The following FDX1 variants were observed in gnomAD, a reference collection of about 807,000 sequenced individuals.
The protein encoded by FDX1 is adrenodoxin, mitochondrial.
A neutral mutation model predicts 14.9 loss-of-function variants in FDX1; 9 were observed. The ratio of observed to expected loss-of-function variants is 0.60; its 90% confidence interval spans 0.36 to 1.05. The LOEUF (loss-of-function observed/expected upper bound fraction) is 1.05. Ranked by LOEUF, FDX1 falls within the 50% of genes least tolerant of loss-of-function variation. FDX1 has a pLI of 0.01. For missense variants in FDX1, 204 were observed against 237.2 expected (o/e 0.86, Z 0.92); for synonymous variants, 92 against 99.4 (o/e 0.93, Z 0.44).
At chr11:110,444,787 C>T (rs1379524788) in intron 2 of FDX1, among the ~76,000 whole-genome samples, 1 of 139,222 alleles carries the variant, frequency 7.2e-6, no homozygotes, top group Non-Finnish European at 1.5e-5. Flanking sequence ...AACCTCTGAG[C>T]TGCCTCACTC....
At position 110,462,983 on chromosome 11, in the gene FDX1, A is replaced by G. The variant is rs998419418; in HGVS notation, c.*515A>G. 1 of 152,284 alleles carries G rather than the reference A, an allele frequency of 6.6e-6. No individual in the cohort carries two copies. The highest frequency in any genetic ancestry group is 2.4e-5 in the African/African-American group (1 of 41,456). 9.4% of individuals were successfully genotyped at this position (152,284 alleles called of 1,614,324 possible). On this transcript the variant is annotated 3_prime_UTR_variant, in exon 4 of 4. Coordinates refer to ENST00000260270, the MANE Select transcript of FDX1 (RefSeq NM_004109.5). ...TAGTAGTAGTTAAATCTGAATGTGT[A>G]TGGACAAAAATATTTAATTGCTCAG...
intron 1 of FDX1, among the ~76,000 whole-genome samples, chr11:110,434,633 A>G (rs10891104): frequency 2.0e-5 from 3 of 150,924 alleles, no homozygotes; most frequent in Admixed American, 6.6e-5. Context: ...ATGCTCGGCC[A>G]TGATTTGCTT....
chr11:110,436,999 T>C (rs1371695267), intron 2 of FDX1, among the ~76,000 whole-genome samples: 1 of 152,140 alleles, frequency 6.6e-6, no homozygotes, highest in East Asian at 1.9e-4. Context: ...CTGAATATCT[T>C]TTTAAAAATT....
intron 2 of FDX1, among the ~76,000 whole-genome samples, chr11:110,439,045 AC>A (rs1946388668): frequency 6.6e-6 from 1 of 152,066 alleles, no homozygotes; most frequent in South Asian, 2.1e-4. Context: ...AGCTGGGATT[AC>A]AGGCACTCAC....
chr11:110,438,689 A>G (rs1946386274), intron 2 of FDX1, among the ~76,000 whole-genome samples: 1 of 152,164 alleles, frequency 6.6e-6, no homozygotes, highest in African/African-American at 2.4e-5. Flanking sequence ...CTGGTCTTGA[A>G]TTCCTGACCT....
At chr11:110,460,021 A>G (rs1160391422) in intron 3 of FDX1, among the ~76,000 whole-genome samples, 1 of 152,196 alleles carries the variant, frequency 6.6e-6, no homozygotes, top group East Asian at 1.9e-4. Flanking sequence ...CGTTCCTTGA[A>G]GACCAGCATC....
chr11:110,455,601 T>C (rs773591932), intron 2 of FDX1, among the ~76,000 whole-genome samples: 30 of 152,178 alleles, frequency 2.0e-4, no homozygotes, highest in Non-Finnish European at 2.5e-4. Flanking sequence ...CACGCCTCTG[T>C]TGTCAGGTCC....
intron 2 of FDX1, among the ~76,000 whole-genome samples, chr11:110,444,796 T>C (rs2134683700): frequency 6.9e-6 from 1 of 145,280 alleles, no homozygotes; most frequent in African/African-American, 2.6e-5. Flanking sequence ...GCTGCCTCAC[T>C]CTGGGCACAC....
chr11:110,458,119 TA>T (rs1435512767), intron 3 of FDX1, among the ~76,000 whole-genome samples: 1 of 152,214 alleles, frequency 6.6e-6, no homozygotes, highest in African/African-American at 2.4e-5. Flanking sequence ...TTGTGTCTCT[TA>T]ATAAGAGAGT....
At position 110,430,040 on chromosome 11, in the gene FDX1, C is replaced by T. The variant is rs1946318530; in HGVS notation, c.-81C>T. 7.6e-6 allele frequency: 8 copies of T among 1,053,234 alleles called. No homozygotes were observed. Among genetic ancestry groups the T allele is most frequent in the Non-Finnish European group, 9.6e-6 (8 of 834,338 alleles). The allele number at this position is 1,053,234 out of a possible 1,614,324, so 65.2% of individuals were successfully genotyped here. On this transcript the variant is annotated 5_prime_UTR_variant, in exon 1 of 4. Coordinates refer to ENST00000260270, the MANE Select transcript of FDX1 (RefSeq NM_004109.5). Reference sequence around the variant, plus strand: ...CGGCCCTCGGGCGTCTGCGCCGCAGCTGCCGCCCCCGCCTCTTTGGAGTCT... The same window carrying T: ...CGGCCCTCGGGCGTCTGCGCCGCAGTTGCCGCCCCCGCCTCTTTGGAGTCT...
intron 2 of FDX1, among the ~76,000 whole-genome samples, chr11:110,444,662 ATACG>A (rs1391844038): frequency 0.01 from 813 of 79,280 alleles, 85 homozygotes; most frequent in African/African-American, 0.048. Context: ...ATATATATAT[ATACG>A]TATATATATA....
intron 1 of FDX1, among the ~76,000 whole-genome samples, chr11:110,430,612 G>A (rs992929062): frequency 1.3e-5 from 2 of 152,232 alleles, no homozygotes; most frequent in African/African-American, 4.8e-5. Flanking sequence ...GGAAAGCCGG[G>A]ACTTTGCTGC....
At chr11:110,452,150 T>C (rs897422304) in intron 2 of FDX1, among the ~76,000 whole-genome samples, 7 of 152,096 alleles carry the variant, frequency 4.6e-5, no homozygotes, top group African/African-American at 1.7e-4. Context: ...AAAAAATCTT[T>C]AGGACCTGTG....
intron 2 of FDX1, among the ~76,000 whole-genome samples, chr11:110,445,390 A>G (rs76372707): frequency 0.011 from 1,534 of 145,740 alleles, 14 homozygotes; most frequent in Non-Finnish European, 0.018. Context: ...ACTTGTGACT[A>G]TATATTACAG....
chr11:110,433,815 G>A (rs1329426992), intron 1 of FDX1, among the ~76,000 whole-genome samples: 1 of 152,052 alleles, frequency 6.6e-6, no homozygotes, highest in Non-Finnish European at 1.5e-5. Flanking sequence ...ATTAGGGAGG[G>A]CATTATCCCA....
chr11:110,447,739 A>G (rs1163771808), intron 2 of FDX1, among the ~76,000 whole-genome samples: 1 of 152,110 alleles, frequency 6.6e-6, no homozygotes, highest in Non-Finnish European at 1.5e-5. Flanking sequence ...TCAAATCTCA[A>G]TTTATGTACT....
In FDX1 at chr11:110,452,618, TA is replaced by T. The variant is rs575577554; in HGVS notation, c.311-4287del. ...CTTTGGGAAAAAAATGAGGCAAAGT[TA>T]AAAAAAAAAAAAGATATTTTACACC... On this transcript the variant is annotated intron_variant, in intron 2 of 3. Transcript: ENST00000260270. Among the ~76,000 whole-genome samples, 625 of 140,010 alleles carry T rather than the reference TA, an allele frequency of 4.5e-3. 1 individual carries two copies. Among genetic ancestry groups the T allele is most frequent in the African/African-American group, 5.2e-3 (199 of 38,324 alleles). 91.9% of individuals were successfully genotyped at this position (140,010 alleles called of 152,430 possible).
intron 3 of FDX1, among the ~76,000 whole-genome samples, chr11:110,457,324 TA>T (rs1187481361): frequency 4.6e-5 from 7 of 152,218 alleles, no homozygotes; most frequent in Non-Finnish European, 8.8e-5. Context: ...CTCCAGGAAC[TA>T]ATATGTATCA....
intron 1 of FDX1, among the ~76,000 whole-genome samples, chr11:110,431,827 C>A (rs916402506): frequency 6.6e-6 from 1 of 152,176 alleles, no homozygotes; most frequent in South Asian, 2.1e-4. Flanking sequence ...TTTATTGGCA[C>A]AATTTCTATT....
Sources: gnomAD v4.1 joint callset for allele counts (sites outside exome capture counted in the v4.1 genomes callset) on GRCh38, gnomAD v4.1.1 for gene constraint, MANE v1.5 for transcripts, NCBI Gene and HGNC (gene_info 2026-07-23, HGNC 2026-07-21) for gene names.